NRG1: variants seen among roughly 807,000 people sequenced by gnomAD.
NRG1 encodes neuregulin 1, also known as pro-neuregulin-1, membrane-bound isoform.
In NRG1, 18 loss-of-function variants were observed where a neutral mutation model predicts 63.8. The ratio of observed to expected loss-of-function variants is 0.28; its 90% CI spans 0.19 to 0.42. The LOEUF (loss-of-function observed/expected upper bound fraction) is 0.42, where lower values mean the gene tolerates loss of function less well. Ranked by LOEUF, NRG1 falls within the 10% of genes least tolerant of loss-of-function variation. NRG1 has a pLI of 1.00. For missense variants in NRG1, 762 were observed against 814.7 expected (o/e 0.94, Z 0.79); for synonymous variants, 302 against 301.3 (o/e 1.00, Z -0.02).
rs1818540851 is a variant in NRG1, at chr8:31,770,769, A to G, written c.37+131338A>G. 7.8e-5 allele frequency among the ~76,000 whole-genome samples: 3 copies of G among 38,682 alleles called. No homozygotes were observed. The Admixed American group carries it at 1.4e-3, about 18-fold the overall frequency. The allele number at this position is 38,682 out of a possible 152,430, so 25.4% of individuals were successfully genotyped here. On this transcript the variant is annotated intron_variant, in intron 1 of 10. Transcript: ENST00000519301. Reference sequence around the variant, plus strand: ...TACCCTAGAACTTAAAGTATAATAAACATATATATATATATATATATATAT... The same window carrying G: ...TACCCTAGAACTTAAAGTATAATAAGCATATATATATATATATATATATAT...
At chr8:31,755,601 C>T (rs1827536) in intron 1 of NRG1, among the ~76,000 whole-genome samples, 3,051 of 152,142 alleles carry the variant, frequency 0.02, 101 homozygotes, top group African/African-American at 0.066. Context: ...ACCTTGCCTG[C>T]GGGTTAATGA....
chr8:32,347,829 T>TGGTC (rs1805113293), intron 1 of NRG1, among the ~76,000 whole-genome samples: 1 of 152,158 alleles, frequency 6.6e-6, no homozygotes, highest in Non-Finnish European at 1.5e-5. Context: ...GAATCTGAAA[T>TGGTC]GGTCGTGACT....
intron 1 of NRG1, among the ~76,000 whole-genome samples, chr8:31,907,406 G>GT (rs1430556652): frequency 1.4e-5 from 2 of 140,940 alleles, no homozygotes; most frequent in Non-Finnish European, 3.1e-5. Flanking sequence ...CAGAAAGCAT[G>GT]TTTTTGCAGG....
At chr8:31,743,524 G>A (rs957009947) in intron 1 of NRG1, among the ~76,000 whole-genome samples, 1 of 151,902 alleles carries the variant, frequency 6.6e-6, no homozygotes, top group African/African-American at 2.4e-5. Context: ...GTCATCATAA[G>A]CTATAAATGG....
intron 1 of NRG1, among the ~76,000 whole-genome samples, chr8:31,788,824 A>G (rs1820421276): frequency 6.6e-6 from 1 of 152,226 alleles, no homozygotes; most frequent in Admixed American, 6.5e-5. Flanking sequence ...TAACTTGACT[A>G]ACAACAAGTA....
chr8:32,226,703 T>C (rs958644001), intron 1 of NRG1, among the ~76,000 whole-genome samples: 2 of 152,190 alleles, frequency 1.3e-5, no homozygotes, highest in Non-Finnish European at 2.9e-5. Context: ...TTATAAAGCT[T>C]TTCTGATGAA....
At chr8:32,463,834 A>G (rs1274249317) in intron 1 of NRG1, among the ~76,000 whole-genome samples, 1 of 147,508 alleles carries the variant, frequency 6.8e-6, no homozygotes, top group Non-Finnish European at 1.5e-5. Flanking sequence ...AAGCAAAGCA[A>G]GACCATCTTC....
At chr8:31,714,945 G>A (rs780012325) in intron 1 of NRG1, among the ~76,000 whole-genome samples, 6 of 151,830 alleles carry the variant, frequency 4.0e-5, no homozygotes, top group Non-Finnish European at 8.8e-5. Context: ...TACCCGCTGT[G>A]TCCATTTGTC....
rs551136119 is a variant in NRG1 at position 31,672,940 on chromosome 8, C to A, written c.37+33509C>A. The stretch of plus-strand genomic sequence containing the variant: ...TAAATATGCTTTACAATGTATAGGG[C>A]TAGAATCATAGTTTTTTTTTTTTTT... On this transcript the variant is annotated intron_variant, in intron 1 of 10. Transcript: ENST00000519301. 1.2e-4 allele frequency among the ~76,000 whole-genome samples: 17 copies of A among 144,536 alleles called. No individual in the cohort carries two copies. In the East Asian group the frequency reaches 3.7e-3, roughly 31 times the overall value. 94.8% of individuals were successfully genotyped at this position (144,536 alleles called of 152,430 possible).
At chr8:32,632,506 G>A (rs988714658) in intron 5 of NRG1, among the ~76,000 whole-genome samples, 7 of 138,306 alleles carry the variant, frequency 5.1e-5, no homozygotes, top group African/African-American at 1.9e-4. Flanking sequence ...CTGAGATCAC[G>A]CCATTGCACT....
chr8:31,812,515 C>CTCATTTCATT (rs112778625), intron 1 of NRG1, among the ~76,000 whole-genome samples: 2 of 151,978 alleles, frequency 1.3e-5, no homozygotes, highest in African/African-American at 4.8e-5. Flanking sequence ...TTTTTCCAGT[C>CTCATTTCATT]TCATTTCATT....
intron 1 of NRG1, among the ~76,000 whole-genome samples, chr8:32,399,596 T>C (rs929208384): frequency 6.6e-6 from 1 of 152,124 alleles, no homozygotes; most frequent in Non-Finnish European, 1.5e-5. Flanking sequence ...TCCCAGCTAC[T>C]TGGGAGGCTG....
At chr8:32,508,897 A>G (rs11782752) in intron 1 of NRG1, among the ~76,000 whole-genome samples, 25,780 of 151,266 alleles carry the variant, frequency 0.17, 2,563 homozygotes, top group Admixed American at 0.31. Context: ...ACCATGCCCA[A>G]ATAATTTTTA....
intron 1 of NRG1, among the ~76,000 whole-genome samples, chr8:32,297,269 A>G (rs1205295025): frequency 6.6e-6 from 1 of 152,148 alleles, no homozygotes; most frequent in Non-Finnish European, 1.5e-5. Context: ...TGAGTAATCT[A>G]TTGAAATAGC....
In NRG1 at chr8:31,692,053, G is replaced by A. The variant is rs184953696; in HGVS notation, c.37+52622G>A. ...TTGCTATGTTGCCCAGGCTGGTCTC[G>A]AACTTCTGGGCTCAAGCAATCCCCC... On this transcript the variant is annotated intron_variant, in intron 1 of 10. Coordinates refer to the NRG1 transcript ENST00000519301. Among the ~76,000 whole-genome samples the A allele has an allele frequency of 8.0e-3, 1,223 of 152,178 alleles. 11 individuals carry two copies. The highest frequency in any genetic ancestry group is 0.028 in the African/African-American group (1,154 of 41,522).
chr8:32,225,333 A>G (rs537913798), intron 1 of NRG1, among the ~76,000 whole-genome samples: 1 of 152,326 alleles, frequency 6.6e-6, no homozygotes, highest in South Asian at 2.1e-4. Context: ...ATAGCTTTTC[A>G]GCATCTTTCC....
intron 1 of NRG1, among the ~76,000 whole-genome samples, chr8:32,392,190 G>GGACC (rs901194259): frequency 6.6e-6 from 1 of 152,112 alleles, no homozygotes; most frequent in Non-Finnish European, 1.5e-5. Flanking sequence ...ACCAATAAGG[G>GGACC]GACCATATAT....
chr8:32,659,914 C>G (rs1415184925), intron 5 of NRG1, among the ~76,000 whole-genome samples: 1 of 152,134 alleles, frequency 6.6e-6, no homozygotes, highest in Non-Finnish European at 1.5e-5. Context: ...TGATGGGACC[C>G]CTCTTCTTGA....
At chr8:32,731,467 A>G (rs1823646603) in intron 6 of NRG1, among the ~76,000 whole-genome samples, 1 of 150,668 alleles carries the variant, frequency 6.6e-6, no homozygotes, top group Admixed American at 6.6e-5. Flanking sequence ...ACTGGATCTT[A>G]TCAGAAAGAA....
Sources: gnomAD v4.1 joint callset for allele counts (sites outside exome capture counted in the v4.1 genomes callset) on GRCh38, gnomAD v4.1.1 for gene constraint, MANE v1.5 for transcripts, NCBI Gene and HGNC (gene_info 2026-07-23, HGNC 2026-07-21) for gene names.